The following TUSC3 variants were observed in gnomAD, a reference collection of about 807,000 sequenced individuals.
TUSC3 encodes tumor suppressor candidate 3, also known as dolichyl-diphosphooligosaccharide--protein glycosyltransferase subunit TUSC3.
Under a neutral mutation model 44.8 loss-of-function variants are expected in TUSC3, and 45 were observed. The ratio of observed to expected loss-of-function variants is 1.00; its 90% CI spans 0.79 to 1.29. The LOEUF (loss-of-function observed/expected upper bound fraction) is 1.29, where lower values mean the gene tolerates loss of function less well. TUSC3 is among the 50% of genes most tolerant of loss of function. The pLI is 0.00. For missense variants in TUSC3, 519 were observed against 437.9 expected (o/e 1.19, Z -1.65); for synonymous variants, 212 against 152.9 (o/e 1.39, Z -2.85).
chr8:15,632,973 C>T (rs1226779468), intron 2 of TUSC3, among the ~76,000 whole-genome samples: 1 of 152,116 alleles, frequency 6.6e-6, no homozygotes, highest in East Asian at 1.9e-4. Flanking sequence ...AGCCCTGGTT[C>T]CTCTTCGTAG....
intron 7 of TUSC3, among the ~76,000 whole-genome samples, chr8:15,741,832 G>A (rs1811212305): frequency 6.6e-6 from 1 of 152,018 alleles, no homozygotes; most frequent in Non-Finnish European, 1.5e-5. Context: ...ATGATTAAAG[G>A]GGAAACTTAG....
At chr8:15,729,166 G>A (rs1409478273) in intron 6 of TUSC3, among the ~76,000 whole-genome samples, 2 of 152,126 alleles carry the variant, frequency 1.3e-5, no homozygotes, top group African/African-American at 4.8e-5. Flanking sequence ...CGTAAATTTG[G>A]CCATATTATC....
chr8:15,662,110 ATT>A (rs751301640), intron 4 of TUSC3, 44 bp from the exon 5 acceptor site: 70 of 1,595,644 alleles, frequency 4.4e-5, no homozygotes. Context: ...CAAAAGAAAA[ATT>A]TTATTTTTCT....
chr8:15,606,126 C>T lies in TUSC3; in HGVS notation c.139-16954C>T, dbSNP rs184718273. Among the ~76,000 whole-genome samples the T allele has an allele frequency of 7.9e-5, 12 of 152,064 alleles. 1 individual carries two copies. Among genetic ancestry groups the T allele is most frequent in the Admixed American group, 6.6e-4 (10 of 15,218 alleles). On this transcript the variant is annotated intron_variant, in intron 1 of 10. Transcript: ENST00000503731. ...AGGTGCTCCCAAGAAGCAGACAAGC[C>T]ATGACATTACAAGAAAAAGTTGAGT...
At position 15,502,260 on chromosome 8, in the gene TUSC3, A is replaced by G. The variant is rs146063292; in HGVS notation, n.189+18777A>G. Among the ~76,000 whole-genome samples the G allele has an allele frequency of 7.2e-5, 11 of 152,262 alleles. No homozygotes were observed. In the South Asian group the frequency reaches 1.7e-3, roughly 23 times the overall value. ...TCTTCACTTGCTTAGTTTCGTGTAT[A>G]TATTCTTATTTTTTCCCAAATGCCC... On this transcript the variant is annotated intron_variant and non_coding_transcript_variant, in intron 2 of 5. Coordinates refer to the TUSC3 transcript ENST00000503191.
the TUSC3 span, among the ~76,000 whole-genome samples, chr8:15,816,851 G>C: frequency 6.6e-6 from 1 of 152,290 alleles, no homozygotes; most frequent in East Asian, 1.9e-4. Flanking sequence ...TGTGCTGATA[G>C]CAGCATTGGA....
chr8:15,720,190 G>GTGTA lies in TUSC3; in HGVS notation c.799-10475_799-10474insGTAT, dbSNP rs1554481304. 3.5e-3 allele frequency among the ~76,000 whole-genome samples: 479 copies of GTGTA among 135,064 alleles called. 7 individuals are homozygous for GTGTA. The East Asian group carries it at 0.04, about 11-fold the overall frequency. 88.6% of individuals were successfully genotyped at this position (135,064 alleles called of 152,430 possible). A position where few individuals can be genotyped will look rare whatever the true frequency, so the allele number is the denominator to read the frequency against. ...GTGATATATCATTGTTAAATATAGT[G>GTGTA]TATATATATATACACACACACACAC... is the stretch of plus-strand genomic sequence containing the variant. On this transcript the variant is annotated intron_variant, in intron 6 of 10. Transcript: ENST00000503731.
At chr8:15,441,087 A>T (rs1412924421) in intron 1 of TUSC3, among the ~76,000 whole-genome samples, 1 of 152,234 alleles carries the variant, frequency 6.6e-6, no homozygotes, top group Non-Finnish European at 1.5e-5. Flanking sequence ...CTGCCCTAAT[A>T]ATTAAATTAA....
intron 1 of TUSC3, among the ~76,000 whole-genome samples, chr8:15,540,815 G>C (rs1003383095): frequency 1.3e-5 from 2 of 152,204 alleles, no homozygotes; most frequent in African/African-American, 4.8e-5. Context: ...ACACCTTTCA[G>C]ACCCAGGGCG....
chr8:15,671,389 T>C (rs1248735421), intron 5 of TUSC3, among the ~76,000 whole-genome samples: 1 of 151,994 alleles, frequency 6.6e-6, no homozygotes, highest in Non-Finnish European at 1.5e-5. Flanking sequence ...AGTAATGAAA[T>C]GGTGACATAT....
intron 1 of TUSC3, among the ~76,000 whole-genome samples, chr8:15,603,491 A>G (rs1232783309): frequency 1.3e-5 from 2 of 151,640 alleles, no homozygotes; most frequent in African/African-American, 4.8e-5. Flanking sequence ...CGTATTTGAC[A>G]GTCTGGTGAA....
chr8:15,566,376 T>G (rs1380120288), intron 1 of TUSC3, among the ~76,000 whole-genome samples: 1 of 152,128 alleles, frequency 6.6e-6, no homozygotes, highest in East Asian at 1.9e-4. Context: ...GAAAACAACT[T>G]TAAATCATTT....
In TUSC3 at chr8:15,720,255, C is replaced by G. The variant is rs1268089002; in HGVS notation, c.799-10411C>G. 3.5e-5 allele frequency among the ~76,000 whole-genome samples: 5 copies of G among 144,230 alleles called. No individual in the cohort carries two copies. The South Asian group carries it at 9.2e-4, about 26-fold the overall frequency. The allele number at this position is 144,230 out of a possible 152,430, so 94.6% of individuals were successfully genotyped here. ...ACACAGAGAGAACATTTCTCATATA[C>G]CTTGATTCACACTGATAGTTTACCG... On this transcript the variant is annotated intron_variant, in intron 6 of 10. Coordinates refer to ENST00000503731, the MANE Select transcript of TUSC3 (RefSeq NM_006765.4).
At chr8:15,778,099 CA>C in the TUSC3 span, among the ~76,000 whole-genome samples, 28 of 134,678 alleles carry the variant, frequency 2.1e-4, no homozygotes, top group East Asian at 1.6e-3. Context: ...CACTTTAAGG[CA>C]AAAAAAAAAA....
rs189127309 is a variant in TUSC3 at position 15,448,233 on chromosome 8, C to G, written n.91+30928C>G. On this transcript the variant is annotated intron_variant and non_coding_transcript_variant, in intron 1 of 5. Transcript: ENST00000503191. ...TCCTGGGTTCAAGCAATTCTCATGCCTCACCCTCTCAAGTAGCTGAGATCA... is the reference window on the plus strand; with the variant it reads ...TCCTGGGTTCAAGCAATTCTCATGCGTCACCCTCTCAAGTAGCTGAGATCA... 1.5e-3 allele frequency among the ~76,000 whole-genome samples: 221 copies of G among 151,550 alleles called. 3 individuals carry two copies. In the East Asian group the frequency reaches 0.037, roughly 26 times the overall value.
intron 1 of TUSC3, among the ~76,000 whole-genome samples, chr8:15,446,815 T>A (rs1316962218): frequency 6.8e-6 from 1 of 147,496 alleles, no homozygotes; most frequent in East Asian, 2.0e-4. Flanking sequence ...AATAAAGACA[T>A]GGCCTCTTTA....
intron 6 of TUSC3, among the ~76,000 whole-genome samples, chr8:15,706,468 C>A (rs1002390731): frequency 9.9e-5 from 15 of 151,980 alleles, no homozygotes; most frequent in African/African-American, 3.4e-4. Flanking sequence ...AAGAACCCTT[C>A]AAACTTTTCA....
At chr8:15,842,823 C>G in the TUSC3 span, among the ~76,000 whole-genome samples, 1 of 152,134 alleles carries the variant, frequency 6.6e-6, no homozygotes, top group African/African-American at 2.4e-5. Flanking sequence ...GTACATCTCC[C>G]CAGGATATTT....
the TUSC3 span, among the ~76,000 whole-genome samples, chr8:15,778,189 CAA>C: frequency 7.2e-5 from 11 of 151,976 alleles, no homozygotes; most frequent in Admixed American, 2.0e-4. Flanking sequence ...TCTTAAGTAC[CAA>C]AGTTGCCTCT....
Sources: allele counts gnomAD v4.1 joint callset (sites outside exome capture counted in the v4.1 genomes callset), GRCh38; gene constraint gnomAD v4.1.1; transcripts MANE v1.5; gene names NCBI Gene and HGNC (gene_info 2026-07-23, HGNC 2026-07-21).